CLPTM1L: variants seen among roughly 807,000 people sequenced by gnomAD.
CLPTM1L encodes the protein lipid scramblase CLPTM1L.
In CLPTM1L, 38 loss-of-function variants were observed where a neutral mutation model predicts 70.9. That is an observed-to-expected ratio of 0.54 (90% CI 0.41 to 0.70). The LOEUF (loss-of-function observed/expected upper bound fraction) is 0.70, where lower values mean the gene tolerates loss of function less well. Among genes scored for constraint, CLPTM1L ranks in the 30% least tolerant of loss-of-function variants. The pLI, the probability that CLPTM1L is intolerant of heterozygous loss-of-function variation, is 0.00. For synonymous variants in CLPTM1L, 339 were observed against 299.9 expected (o/e 1.13, Z -1.35); for missense variants, 652 against 705.9 (o/e 0.92, Z 0.87).
intron 3 of CLPTM1L, among the ~76,000 whole-genome samples, chr5:1,341,133 C>G (rs1180985794): frequency 6.6e-6 from 1 of 152,258 alleles, no homozygotes; most frequent in Non-Finnish European, 1.5e-5. Context: ...TTGCTTTATC[C>G]TTGGCCTGTA....
chr5:1,330,684 G>C (rs180714230), intron 8 of CLPTM1L: 104 of 408,112 alleles, frequency 2.5e-4, no homozygotes, highest in African/African-American at 1.7e-3. Context: ...GGCCAGCACA[G>C]CTTTGCTTCC....
rs1033568328 is a variant in CLPTM1L at position 1,344,524 on chromosome 5, T to G, written c.163-73A>C. 74 of 1,507,130 alleles carry G rather than the reference T, an allele frequency of 4.9e-5. No homozygotes were observed. In the African/African-American group the frequency reaches 9.2e-4, roughly 19 times the overall value. 93.4% of individuals were successfully genotyped at this position (1,507,130 alleles called of 1,614,324 possible). On this transcript the variant is annotated intron_variant, in intron 1 of 16. Coordinates refer to ENST00000320895, the MANE Select transcript of CLPTM1L (RefSeq NM_030782.5). ...GACGCACTCAAATCCCACGGCCAGCTGGAGGGCGGAAGACCTGGCCGCTGG... is the reference window on the plus strand; with the variant it reads ...GACGCACTCAAATCCCACGGCCAGCGGGAGGGCGGAAGACCTGGCCGCTGG...
chr5:1,341,984 C>A, intron 2 of CLPTM1L, 124 bp from the exon 3 acceptor site: 1 of 734,800 alleles, frequency 1.4e-6, no homozygotes, highest in Non-Finnish European at 2.2e-6. Context: ...AAAAATGAAA[C>A]CCACCTGCCC....
chr5:1,328,556 C>T (rs1462609678), intron 9 of CLPTM1L, among the ~76,000 whole-genome samples: 6 of 150,798 alleles, frequency 4.0e-5, no homozygotes, highest in East Asian at 3.9e-4. Context: ...TCCTCCTCTA[C>T]GGACACATTT....
chr5:1,322,944 C>A (rs367732058), intron 12 of CLPTM1L, 33 bp from the exon 13 acceptor site: 257 of 1,588,818 alleles, frequency 1.6e-4, no homozygotes, highest in Non-Finnish European at 5.4e-5. Context: ...AGTCCTATTT[C>A]TCGCATAGCT....
chr5:1,334,754 A>AAAACAAACAAAC (rs3030834), intron 6 of CLPTM1L, among the ~76,000 whole-genome samples: 70 of 151,230 alleles, frequency 4.6e-4, no homozygotes, highest in Middle Eastern at 3.4e-3. Flanking sequence ...ACTCTGTCTC[A>AAAACAAACAAAC]AAACAAACAA....
intron 5 of CLPTM1L, among the ~76,000 whole-genome samples, 166 bp downstream of exon 5, chr5:1,337,738 C>G (rs909103648): frequency 9.9e-5 from 15 of 152,030 alleles, no homozygotes; most frequent in African/African-American, 3.6e-4. Context: ...CAGGGCCCCC[C>G]TGTCACAACC....
At chr5:1,332,718 T>G (rs1470000962) in intron 7 of CLPTM1L, among the ~76,000 whole-genome samples, 8 of 152,244 alleles carry the variant, frequency 5.3e-5, no homozygotes, top group Non-Finnish European at 8.8e-5. Context: ...CCCACGTAAC[T>G]TTATCACACT....
chr5:1,319,360 G>GGT (rs1554044906), intron 16 of CLPTM1L, among the ~76,000 whole-genome samples: 1 of 138,978 alleles, frequency 7.2e-6, no homozygotes, highest in Non-Finnish European at 1.6e-5. Flanking sequence ...CAACAGGGTG[G>GGT]GGGGGGGCAG....
intron 16 of CLPTM1L, among the ~76,000 whole-genome samples, chr5:1,319,938 G>A (rs1441944967): frequency 6.6e-6 from 1 of 152,230 alleles, no homozygotes; most frequent in Non-Finnish European, 1.5e-5. Flanking sequence ...CAGAGCTGGA[G>A]GGAGGTTTTG....
chr5:1,342,114 A>G lies in CLPTM1L; in HGVS notation c.264-254T>C, dbSNP rs993224307. Among the ~76,000 whole-genome samples, 1 of 151,702 alleles carries G rather than the reference A, an allele frequency of 6.6e-6. No individual in the cohort carries two copies. Among genetic ancestry groups the G allele is most frequent in the East Asian group, 1.9e-4 (1 of 5,152 alleles). The stretch of plus-strand genomic sequence containing the variant: ...TACAGCCGAAAGCAAAACGGCCCGC[A>G]CTTCCTGCCTCCATCTCAGGAGGCT... On this transcript the variant is annotated intron_variant, in intron 2 of 16. Coordinates refer to ENST00000320895, the MANE Select transcript of CLPTM1L (RefSeq NM_030782.5). This position sits in a 1 kb window ranked among gnomAD's most constrained non-coding sequence, Gnocchi z 4.3.
At chr5:1,335,796 C>T (rs539216073) in intron 5 of CLPTM1L, among the ~76,000 whole-genome samples, 24 of 152,262 alleles carry the variant, frequency 1.6e-4, no homozygotes, top group African/African-American at 5.5e-4. Context: ...CCCAGGGTGC[C>T]GAGGTAGGAG....
chr5:1,338,200 G>A (rs1325783204), intron 4 of CLPTM1L: 1 of 591,526 alleles, frequency 1.7e-6, no homozygotes, highest in South Asian at 2.0e-5. Flanking sequence ...AGGAAGTGAT[G>A]GCCACAGGTG....
intron 8 of CLPTM1L, 59 bp from the exon 9 acceptor site, chr5:1,330,442 C>T (rs1753013271): frequency 1.4e-6 from 2 of 1,394,730 alleles, no homozygotes; most frequent in South Asian, 1.2e-5. Flanking sequence ...CTGTGTTCCC[C>T]AAGTCACACA....
At position 1,337,918 on chromosome 5, in the gene CLPTM1L, C is replaced by G. The variant is rs142254650; in HGVS notation, c.664G>C (p.Val222Leu). 1.2e-6 allele frequency: 2 copies of G among 1,602,030 alleles called. No individual in the cohort carries two copies. The highest frequency in any genetic ancestry group is 1.7e-5 in the Admixed American group (1 of 57,400). The change falls in exon 5 of 17, where the codon GTG becomes CTG. Residue 222 changes from valine to leucine, a missense_variant. Around this residue, in one of 3 missense-constraint regions of CLPTM1L, gnomAD observed 402 missense variants for 388.2 expected, o/e 1.04. Coordinates refer to ENST00000320895, the MANE Select transcript of CLPTM1L (RefSeq NM_030782.5). Reference sequence around the variant, plus strand: ...GTGTCACTCACCATCAGGTCCTTCACGCGGTTGCTGAGCTGGTCGATGAAC... The same window carrying G: ...GTGTCACTCACCATCAGGTCCTTCAGGCGGTTGCTGAGCTGGTCGATGAAC... ...ILFIDQLSNR[V>L]KDLMVINRST...
intron 8 of CLPTM1L, chr5:1,331,017 A>T (rs1009517672): frequency 3.9e-5 from 6 of 152,772 alleles, no homozygotes; most frequent in African/African-American, 1.4e-4. Context: ...GAGAAAAACA[A>T]CTTGTTCGGG....
chr5:1,333,999 A>T (rs1354263640), intron 7 of CLPTM1L, among the ~76,000 whole-genome samples: 1 of 152,126 alleles, frequency 6.6e-6, no homozygotes. Context: ...CACTGCTCAG[A>T]GTACCCTGGA....
chr5:1,328,645 GAC>G (rs1254506202), intron 9 of CLPTM1L, among the ~76,000 whole-genome samples: 4 of 150,870 alleles, frequency 2.7e-5, no homozygotes, highest in Admixed American at 2.0e-4. Context: ...CTCCTCTACA[GAC>G]AGTTTTCTTC....
intron 7 of CLPTM1L, 58 bp from the exon 8 acceptor site, chr5:1,331,941 G>C (rs970261364): frequency 7.1e-7 from 1 of 1,406,556 alleles, no homozygotes; most frequent in Non-Finnish European, 1.0e-6. Flanking sequence ...TCTCCTGTGA[G>C]ACAGAGATAG....
Sources: allele counts gnomAD v4.1 joint callset (sites outside exome capture counted in the v4.1 genomes callset), GRCh38; gene constraint gnomAD v4.1.1; regional missense constraint gnomAD v4.1.1; non-coding constraint Gnocchi (gnomAD v3.1); transcripts MANE v1.5; gene names NCBI Gene and HGNC (gene_info 2026-07-23, HGNC 2026-07-21).